Variants in ADCK5 observed in about 807,000 individuals in gnomAD.
ADCK5 encodes uncharacterized aarF domain-containing protein kinase 5.
Under a neutral mutation model 64.9 loss-of-function variants are expected in ADCK5, and 43 were observed. That is an observed-to-expected ratio of 0.66 (90% confidence interval 0.52 to 0.85). ADCK5 has a LOEUF of 0.85. ADCK5 is among the 40% of genes least tolerant of loss of function. The probability of loss-of-function intolerance (pLI) is 0.00; values close to 1 mark genes in which losing one functional copy is unlikely to be tolerated. For missense variants in ADCK5, 760 were observed against 810.5 expected (o/e 0.94, Z 0.76); for synonymous variants, 434 against 342.8 (o/e 1.27, Z -2.94).
chr8:144,390,737 G>A lies in ADCK5; in HGVS notation c.333G>A (p.Gly111=), dbSNP rs1554860210. The change falls in exon 4 of 15, where the codon GGG becomes GGA. Residue 111 remains glycine, a synonymous_variant. Transcript: ENST00000308860. ...GGTGCACCAATGTTGTCCTTCGAGG[G>A]GTGGAAGAGGTTTGTCCTGGTGCCC... ...YWWCTNVVLR[G]VEENSPGYLE... The A allele has an allele frequency of 7.4e-6, 12 of 1,613,688 alleles. No individual in the cohort carries two copies. Among genetic ancestry groups the A allele is most frequent in the Non-Finnish European group, 1.0e-5 (12 of 1,179,934 alleles).
In ADCK5 at chr8:144,388,536, G is replaced by A. The variant is rs1345804072; in HGVS notation, c.267-2135G>A. Among the ~76,000 whole-genome samples the A allele has an allele frequency of 3.9e-5, 6 of 152,152 alleles. 1 individual carries two copies. In the South Asian group the frequency reaches 6.2e-4, roughly 16 times the overall value. ...TCCCAGCACTTTGGGAGGCCAAGGT[G>A]GGCGGATCACGAGGTCGGGAGATCG... On this transcript the variant is annotated intron_variant, in intron 3 of 14. Coordinates refer to ENST00000308860, the MANE Select transcript of ADCK5 (RefSeq NM_174922.5).
chr8:144,386,610 G>T (rs909958808), intron 3 of ADCK5, among the ~76,000 whole-genome samples: 1 of 152,102 alleles, frequency 6.6e-6, no homozygotes, highest in African/African-American at 2.4e-5. Flanking sequence ...TGCCCGCCTC[G>T]GACTCCCAAA....
intron 2 of ADCK5, 22 bp downstream of exon 2, chr8:144,379,512 T>C: frequency 6.4e-7 from 1 of 1,555,390 alleles, no homozygotes. Flanking sequence ...TCCACGGGCA[T>C]GCGCCTCTCA....
At position 144,392,641 on chromosome 8, in the gene ADCK5, C is replaced by T. The variant is rs781979001; in HGVS notation, c.1464C>T (p.Arg488=). Reference sequence around the variant, plus strand: ...TGCTGCGCAACATCAACACCGTGCGCGCTATCAACGTGGCCCTCGGCGCCC... The same window carrying T: ...TGCTGCGCAACATCAACACCGTGCGTGCTATCAACGTGGCCCTCGGCGCCC... ...LLVLRNINTV[R]AINVALGAPV... The change falls in exon 13 of 15, where the codon CGC becomes CGT. Residue 488 remains arginine (R), a synonymous_variant. Coordinates refer to ENST00000308860, the MANE Select transcript of ADCK5 (RefSeq NM_174922.5). The T allele has an allele frequency of 1.6e-5, 25 of 1,594,144 alleles. No homozygotes were observed. Among genetic ancestry groups the T allele is most frequent in the Middle Eastern group, 3.4e-4 (2 of 5,904 alleles).
At chr8:144,386,774 G>A (rs1028988960) in intron 3 of ADCK5, among the ~76,000 whole-genome samples, 6 of 152,176 alleles carry the variant, frequency 3.9e-5, no homozygotes, top group Non-Finnish European at 7.4e-5. Flanking sequence ...TCCCATCCCC[G>A]TGGGCCCCAA....
chr8:144,377,160 T>C (rs931266821), intron 1 of ADCK5, among the ~76,000 whole-genome samples: 1 of 152,322 alleles, frequency 6.6e-6, no homozygotes, highest in Admixed American at 6.5e-5. Context: ...GAGCTCTCAG[T>C]TGGGGAATTT....
At chr8:144,379,360 ACC>A (rs1554857676) in intron 1 of ADCK5, 25 bp from the exon 2 acceptor site, 1 of 1,566,768 alleles carries the variant, frequency 6.4e-7, no homozygotes, top group Non-Finnish European at 8.7e-7. Context: ...GCCTCGTTCG[ACC>A]CCACACAATT....
intron 1 of ADCK5, 49 bp from the exon 2 acceptor site, chr8:144,379,338 G>A (rs1010599370): frequency 7.0e-7 from 1 of 1,419,894 alleles, no homozygotes. Context: ...TTGAGGGCAG[G>A]GGCGTGTCCT....
rs1554860761 is a variant in ADCK5, at chr8:144,391,803, C to A, written c.951C>A (p.Phe317Leu). The A allele has an allele frequency of 6.6e-7, 1 of 1,523,662 alleles. No individual in the cohort carries two copies. Among genetic ancestry groups the A allele is most frequent in the Admixed American group, 1.9e-5 (1 of 53,332 alleles). 94.4% of individuals were successfully genotyped at this position (1,523,662 alleles called of 1,614,324 possible). A position where few individuals can be genotyped will look rare whatever the true frequency, so the allele number is the denominator to read the frequency against. The change falls in exon 9 of 15, where the codon TTC becomes TTA. Residue 317 changes from phenylalanine (F) to leucine (L), a missense_variant. Phe to Leu is a conservative substitution (Grantham distance 22, BLOSUM62 0). Coordinates refer to ENST00000308860, the MANE Select transcript of ADCK5 (RefSeq NM_174922.5). ...CCCAGCGCGTGCTCACTGCCGACTT[C>A]TGCGCCGGCTGCAAGGTCAACGATG... ...KSSKRVLTAD[F>L]CAGCKVNDVE...
intron 2 of ADCK5, among the ~76,000 whole-genome samples, chr8:144,381,699 T>C (rs376441454): frequency 1.0e-4 from 15 of 147,138 alleles, no homozygotes; most frequent in African/African-American, 2.3e-4. Context: ...GGGCCGGGTG[T>C]AGAAACAGAT....
In ADCK5 at chr8:144,383,138, G is replaced by A. The variant is rs146980388; in HGVS notation, c.174G>A (p.Ala58=). 613 of 1,588,656 alleles carry A rather than the reference G, an allele frequency of 3.9e-4. 1 individual carries two copies. In the Middle Eastern group the frequency reaches 8.0e-3, roughly 21 times the overall value. The change falls in exon 3 of 15, where the codon GCG becomes GCA. Residue 58 remains alanine, a synonymous_variant. Transcript: ENST00000308860. The part of the protein sequence containing the change: ...RKVLSTAVVG[A]PLLLGARYVM... ...TGCTCTCCACCGCGGTAGTGGGGGC[G>A]CCCCTGCTCCTCGGAGCCCGCTATG...
Position 144,383,112 on chromosome 8 carries a change from G to T in ADCK5, c.148G>T (p.Val50Leu). 6.3e-7 allele frequency: 1 copy of T among 1,588,610 alleles called. No individual in the cohort carries two copies. Among genetic ancestry groups the T allele is most frequent in the Non-Finnish European group, 8.6e-7 (1 of 1,167,698 alleles). ...CAGCCCCACACCCCTGTGGAGGAAG[G>T]TGCTCTCCACCGCGGTAGTGGGGGC... ...FSSPTPLWRKVLSTAVVGAPL... is the reference protein window; with the variant it reads ...FSSPTPLWRKLLSTAVVGAPL... Residue 50 changes from valine to leucine, a missense_variant, in exon 3 of 15, where the codon GTG (valine) becomes TTG (leucine). This residue lies in a region of ADCK5 where 427 missense variants were observed against 518.4 expected (regional missense o/e 0.82). Coordinates refer to ENST00000308860, the MANE Select transcript of ADCK5 (RefSeq NM_174922.5).
chr8:144,375,924 T>A (rs910978949), intron 1 of ADCK5, among the ~76,000 whole-genome samples: 1 of 152,180 alleles, frequency 6.6e-6, no homozygotes, highest in Non-Finnish European at 1.5e-5. Context: ...TCTGGCAGTT[T>A]AGAGGTCGTG....
rs1277104905 is a variant in ADCK5, at chr8:144,376,834, G to A, written c.13-2553G>A. ...GGTGCAGGCTGGGTAGGCAGCAGGT[G>A]GATGGCCCGCCTACGAGTCGCTGCC... is the stretch of plus-strand genomic sequence containing the variant. On this transcript the variant is annotated intron_variant, in intron 1 of 14. Transcript: ENST00000308860. The surrounding 1 kb of genome is among the most constrained non-coding windows in gnomAD (Gnocchi z 5.1). 1.3e-5 allele frequency among the ~76,000 whole-genome samples: 2 copies of A among 152,228 alleles called. No individual in the cohort carries two copies. Among genetic ancestry groups the A allele is most frequent in the Non-Finnish European group, 2.9e-5 (2 of 68,028 alleles).
chr8:144,388,681 C>G (rs914533492), intron 3 of ADCK5, among the ~76,000 whole-genome samples: 1 of 151,568 alleles, frequency 6.6e-6, no homozygotes, highest in East Asian at 2.0e-4. Flanking sequence ...AGGAGAACGG[C>G]GTGAACCTGG....
At chr8:144,389,806 A>G (rs1820120096) in intron 3 of ADCK5, among the ~76,000 whole-genome samples, 1 of 149,712 alleles carries the variant, frequency 6.7e-6, no homozygotes. Context: ...CTGGGATCAT[A>G]GGTGTGAGCT....
intron 6 of ADCK5, 24 bp downstream of exon 6, chr8:144,391,298 G>A: frequency 6.2e-7 from 1 of 1,612,256 alleles, no homozygotes; most frequent in Non-Finnish European, 8.5e-7. Flanking sequence ...GCCTTGTTCA[G>A]CAGTGGGCTG....
intron 3 of ADCK5, 98 bp downstream of exon 3, chr8:144,383,328 G>A (rs1448138454): frequency 1.3e-5 from 19 of 1,421,758 alleles, no homozygotes; most frequent in South Asian, 6.0e-5. Flanking sequence ...GACGAGGGGC[G>A]TGAGCCTGGG....
In ADCK5 at chr8:144,393,020, C is replaced by T; in HGVS notation, c.1689C>T (p.Val563=). ...RLTALLARAL[V]HLSLVPPAEE... ...CCGCCCTCCTGGCTCGTGCTCTGGT[C>T]CACCTGAGCCTCGTGCCCCCAGCGG... The change falls in exon 15 of 15, where the codon GTC becomes GTT. Residue 563 remains valine (V), a synonymous_variant. Transcript: ENST00000308860. 2 of 1,591,552 alleles carry T rather than the reference C, an allele frequency of 1.3e-6. No homozygotes were observed. The highest frequency in any genetic ancestry group is 1.7e-6 in the Non-Finnish European group (2 of 1,172,646).
Sources: allele counts gnomAD v4.1 joint callset (sites outside exome capture counted in the v4.1 genomes callset), GRCh38; gene constraint gnomAD v4.1.1; regional missense constraint gnomAD v4.1.1; non-coding constraint Gnocchi (gnomAD v3.1); transcripts MANE v1.5; gene names NCBI Gene and HGNC (gene_info 2026-07-23, HGNC 2026-07-21).